The following CPED1 variants were observed in gnomAD, a reference collection of about 807,000 sequenced individuals.
The protein encoded by CPED1 is cadherin-like and PC-esterase domain-containing protein 1.
Under a neutral mutation model 128.2 loss-of-function variants are expected in CPED1, and 114 were observed. That is an observed-to-expected ratio of 0.89 (90% CI 0.76 to 1.04). The LOEUF (loss-of-function observed/expected upper bound fraction) is 1.04. Ranked by LOEUF, CPED1 falls within the 50% of genes least tolerant of loss-of-function variation. The pLI, the probability that CPED1 is intolerant of heterozygous loss-of-function variation, is 0.00. For missense variants in CPED1, 1,211 were observed against 1,207.1 expected (o/e 1.00, Z -0.05); for synonymous variants, 462 against 426.7 (o/e 1.08, Z -1.02).
rs78436667 is a variant in CPED1 at position 121,180,919 on chromosome 7, G to T, written c.2055+38778G>T. ...GCATTCTCTGACAGGATCGGATCAG[G>T]GTGGTCAGCCAGGGTTGAAACTGTG... On this transcript the variant is annotated intron_variant, in intron 16 of 22. Transcript: ENST00000310396. 6.7e-3 allele frequency among the ~76,000 whole-genome samples: 1,024 copies of T among 152,092 alleles called. 14 individuals are homozygous for T. Among genetic ancestry groups the T allele is most frequent in the African/African-American group, 0.022 (919 of 41,502 alleles).
At chr7:121,027,133 G>A (rs1053841879) in intron 3 of CPED1, among the ~76,000 whole-genome samples, 5 of 151,280 alleles carry the variant, frequency 3.3e-5, no homozygotes, top group African/African-American at 9.7e-5. Flanking sequence ...GAACCATCTC[G>A]CCTGGCTCTG....
intron 7 of CPED1, among the ~76,000 whole-genome samples, chr7:121,113,495 A>G (rs1298270968): frequency 6.6e-6 from 1 of 152,212 alleles, no homozygotes; most frequent in Non-Finnish European, 1.5e-5. Context: ...TTCTTTAAAA[A>G]TGAAGAGGGA....
chr7:121,114,262 T>C (rs1462549623), intron 7 of CPED1, among the ~76,000 whole-genome samples: 1 of 152,240 alleles, frequency 6.6e-6, no homozygotes, highest in Non-Finnish European at 1.5e-5. Flanking sequence ...GACTCAGATC[T>C]CCAGTGACTA....
intron 3 of CPED1, among the ~76,000 whole-genome samples, chr7:121,038,428 A>G (rs1474560475): frequency 6.6e-6 from 1 of 152,098 alleles, no homozygotes; most frequent in Non-Finnish European, 1.5e-5. Context: ...ATAAAAAGTA[A>G]TTATTTTTAC....
At chr7:121,106,777 G>A (rs1410050151) in intron 7 of CPED1, among the ~76,000 whole-genome samples, 1 of 152,078 alleles carries the variant, frequency 6.6e-6, no homozygotes, top group African/African-American at 2.4e-5. Flanking sequence ...TCCTGGAAGT[G>A]TATTGCCCGT....
chr7:121,273,301 T>C (rs1024817847), intron 22 of CPED1, among the ~76,000 whole-genome samples: 1 of 152,020 alleles, frequency 6.6e-6, no homozygotes, highest in Non-Finnish European at 1.5e-5. Context: ...GGCGGGTGGA[T>C]CACTTGAGGT....
intron 16 of CPED1, among the ~76,000 whole-genome samples, chr7:121,189,329 A>C (rs1160846801): frequency 6.6e-6 from 1 of 152,180 alleles, no homozygotes; most frequent in Non-Finnish European, 1.5e-5. Context: ...CAGGCTGTAC[A>C]GGAAACACGG....
chr7:121,243,772 G>A (rs1562847294), intron 17 of CPED1, among the ~76,000 whole-genome samples: 1 of 152,182 alleles, frequency 6.6e-6, no homozygotes, highest in Non-Finnish European at 1.5e-5. Context: ...TCCCTTGAGA[G>A]CAGGGAATAG....
At chr7:120,992,402 T>C (rs754295035) in intron 2 of CPED1, among the ~76,000 whole-genome samples, 2 of 152,178 alleles carry the variant, frequency 1.3e-5, no homozygotes, top group Non-Finnish European at 1.5e-5. Flanking sequence ...ATGAAATGTA[T>C]ACATCCATGA....
At chr7:121,115,318 G>T (rs1795210604) in intron 7 of CPED1, among the ~76,000 whole-genome samples, 1 of 152,174 alleles carries the variant, frequency 6.6e-6, no homozygotes, top group Non-Finnish European at 1.5e-5. Context: ...TAAGGTAACT[G>T]ACATGAGAAA....
At chr7:121,256,757 G>A (rs1448928706) in intron 18 of CPED1, among the ~76,000 whole-genome samples, 2 of 151,844 alleles carry the variant, frequency 1.3e-5, no homozygotes, top group Admixed American at 6.6e-5. Context: ...CCAAAAAGAC[G>A]CATGCACTCG....
intron 16 of CPED1, among the ~76,000 whole-genome samples, chr7:121,178,633 G>T (rs1290798681): frequency 6.6e-6 from 1 of 152,052 alleles, no homozygotes; most frequent in East Asian, 1.9e-4. Context: ...AAAATTGGAG[G>T]AATGGAATGC....
Position 121,128,473 on chromosome 7 carries a change from G to C in CPED1, c.1394G>C (p.Gly465Ala), listed in dbSNP as rs773265840. Reference sequence around the variant, plus strand: ...TTCATAAAGGAACTTGGAAGTCTGGGACAATTCCAACTGGTAAAGCAAAAG... The same window carrying C: ...TTCATAAAGGAACTTGGAAGTCTGGCACAATTCCAACTGGTAAAGCAAAAG... ...MTFIKELGSL[G>A]QFQLLFPSTT... The change falls in exon 11 of 23, where the codon GGA becomes GCA. Residue 465 changes from glycine (G) to alanine (A), a missense_variant. By Grantham distance (60) the Gly-to-Ala change is moderately conservative. Coordinates refer to ENST00000310396, the MANE Select transcript of CPED1 (RefSeq NM_024913.5). 1.9e-6 allele frequency: 3 copies of C among 1,565,612 alleles called. No homozygotes were observed. In the South Asian group the frequency reaches 3.3e-5, roughly 17 times the overall value.
chr7:121,129,317 A>ATATATATATATACG (rs1563037595), intron 11 of CPED1, among the ~76,000 whole-genome samples: 40 of 126,820 alleles, frequency 3.2e-4, no homozygotes, highest in Admixed American at 7.9e-4. Flanking sequence ...ATATACGTAT[A>ATATATATATATACG]TATATATATA....
At chr7:121,177,852 G>A (rs1259144199) in intron 16 of CPED1, among the ~76,000 whole-genome samples, 2 of 152,044 alleles carry the variant, frequency 1.3e-5, no homozygotes, top group East Asian at 1.9e-4. Context: ...TGACCAGGGG[G>A]TAAAGTTGTT....
chr7:121,114,405 T>C (rs1175560396), intron 7 of CPED1, among the ~76,000 whole-genome samples: 1 of 152,214 alleles, frequency 6.6e-6, no homozygotes, highest in African/African-American at 2.4e-5. Context: ...CCTTACACCC[T>C]TGAGTTCTAT....
intron 5 of CPED1, among the ~76,000 whole-genome samples, chr7:121,096,566 A>G (rs1196128696): frequency 6.6e-6 from 1 of 152,186 alleles, no homozygotes; most frequent in East Asian, 1.9e-4. Flanking sequence ...TACACATACC[A>G]ATACAAATCC....
intron 5 of CPED1, among the ~76,000 whole-genome samples, chr7:121,090,513 A>C (rs528462814): frequency 3.2e-4 from 48 of 152,350 alleles, no homozygotes; most frequent in African/African-American, 1.0e-3. Flanking sequence ...ATAATGTCAG[A>C]TCTTGATAAG....
chr7:121,295,383 T>A, intron 22 of CPED1, 57 bp from the exon 23 acceptor site: 2 of 1,543,336 alleles, frequency 1.3e-6, no homozygotes, highest in East Asian at 4.8e-5. Context: ...GAGTTAGTTA[T>A]GCAGGGATTG....
Sources: gnomAD v4.1 joint callset for allele counts (sites outside exome capture counted in the v4.1 genomes callset) on GRCh38, gnomAD v4.1.1 for gene constraint, MANE v1.5 for transcripts, NCBI Gene and HGNC (gene_info 2026-07-23, HGNC 2026-07-21) for gene names.